Variants in SLC26A3 observed in about 807,000 individuals in gnomAD.
SLC26A3 encodes solute carrier family 26 member 3.
SLC26A3 carries 64 observed loss-of-function variants against 85.6 expected under a neutral mutation model. The observed-to-expected ratio is 0.75, with a 90% CI of 0.61 to 0.92. SLC26A3 has a LOEUF of 0.92. SLC26A3 is among the 40% of genes least tolerant of loss of function. SLC26A3 has a pLI of 0.00. For missense variants in SLC26A3, 922 were observed against 927.3 expected (o/e 0.99, Z 0.07); for synonymous variants, 349 against 336.0 (o/e 1.04, Z -0.42).
chr7:107,786,929 C>G lies in SLC26A3; in HGVS notation c.889-20G>C, dbSNP rs1794306158. On this transcript the variant is annotated intron_variant, in intron 7 of 20. Coordinates refer to ENST00000340010, the MANE Select transcript of SLC26A3 (RefSeq NM_000111.3). ...CACGGTCTGCAAAGTTGCAAATGGC[C>G]CAAGTTAGAAATGTGAGATGCAAGT... 3.1e-6 allele frequency: 5 copies of G among 1,606,550 alleles called. No individual in the cohort carries two copies. Among genetic ancestry groups the G allele is most frequent in the Non-Finnish European group, 4.3e-6 (5 of 1,173,668 alleles).
chr7:107,789,479 G>C, intron 6 of SLC26A3, 45 bp downstream of exon 6: 3 of 1,563,116 alleles, frequency 1.9e-6, no homozygotes, highest in Non-Finnish European at 2.6e-6. Flanking sequence ...ACACAGTAGT[G>C]AGTTTCATGT....
At position 107,765,892 on chromosome 7, in the gene SLC26A3, G is replaced by C; in HGVS notation, c.2272-14C>G. 6.2e-7 allele frequency: 1 copy of C among 1,607,524 alleles called. No homozygotes were observed. Among genetic ancestry groups the C allele is most frequent in the Non-Finnish European group, 8.5e-7 (1 of 1,174,446 alleles). On this transcript the variant is annotated splice_polypyrimidine_tract_variant and intron_variant, in intron 20 of 20. Coordinates refer to ENST00000340010, the MANE Select transcript of SLC26A3 (RefSeq NM_000111.3). The stretch of plus-strand genomic sequence containing the variant: ...TTCAACTGGCACCTGGAAGAAGACA[G>C]AAAGTTCTTGTTTTAAAATACTCGT...
intron 1 of SLC26A3, among the ~76,000 whole-genome samples, chr7:107,795,218 A>C (rs1360215495): frequency 6.6e-6 from 1 of 152,168 alleles, no homozygotes; most frequent in Non-Finnish European, 1.5e-5. Flanking sequence ...AAGTTCCTTA[A>C]CCTCTCTGAG....
chr7:107,767,696 T>C lies in SLC26A3; in HGVS notation c.2206-52A>G, dbSNP rs79659411. On this transcript the variant is annotated intron_variant, in intron 19 of 20. Coordinates refer to ENST00000340010, the MANE Select transcript of SLC26A3 (RefSeq NM_000111.3). The stretch of plus-strand genomic sequence containing the variant: ...ATTAGGGGCTGATTTTTTTTAATGT[T>C]GAAAAAGAGAAATTTAAGGAGTGCA... 1.4e-4 allele frequency: 220 copies of C among 1,608,422 alleles called. 2 individuals carry two copies. The East Asian group carries it at 4.2e-3, about 31-fold the overall frequency.
At chr7:107,775,265 A>T (rs1308986662) in intron 15 of SLC26A3, among the ~76,000 whole-genome samples, 1 of 152,040 alleles carries the variant, frequency 6.6e-6, no homozygotes, top group Non-Finnish European at 1.5e-5. Flanking sequence ...TGTAATTTTT[A>T]TCTTATTAAA....
chr7:107,766,454 T>C (rs1385763258), intron 20 of SLC26A3, among the ~76,000 whole-genome samples: 1 of 152,156 alleles, frequency 6.6e-6, no homozygotes, highest in East Asian at 1.9e-4. Flanking sequence ...GGTGCCAGTT[T>C]TATTGGGTTT....
intron 8 of SLC26A3, among the ~76,000 whole-genome samples, chr7:107,784,607 T>C (rs1794263106): frequency 6.6e-6 from 1 of 152,168 alleles, no homozygotes; most frequent in South Asian, 2.1e-4. Context: ...AATTTTAGTA[T>C]TTTTAGTAGA....
At chr7:107,778,732 G>A (rs1263185965) in intron 12 of SLC26A3, among the ~76,000 whole-genome samples, 1 of 152,116 alleles carries the variant, frequency 6.6e-6, no homozygotes, top group Non-Finnish European at 1.5e-5. Flanking sequence ...GCTCACACCT[G>A]TAATGTCAGC....
chr7:107,770,181 T>TTTTTTTG lies in SLC26A3; in HGVS notation c.2062+1872_2062+1873insCAAAAAA, dbSNP rs1794001136. ...TTTTTTTTTTTTTTTTTTTTTTTTT[T>TTTTTTTG]AAAAAAAAAAAGGGGTTTTTTTTTT... is the stretch of plus-strand genomic sequence containing the variant. On this transcript the variant is annotated intron_variant, in intron 18 of 20. Transcript: ENST00000340010. Among the ~76,000 whole-genome samples, 2 of 55,864 alleles carry TTTTTTTG rather than the reference T, an allele frequency of 3.6e-5. 1 individual carries two copies. The highest frequency in any genetic ancestry group is 5.4e-5 in the Non-Finnish European group (2 of 37,042). The allele number at this position is 55,864 out of a possible 152,430, so 36.6% of individuals were successfully genotyped here. A position where few individuals can be genotyped will look rare whatever the true frequency, so the allele number is the denominator to read the frequency against.
chr7:107,789,432 C>A (rs1269266346), intron 6 of SLC26A3, 92 bp downstream of exon 6: 4 of 1,300,846 alleles, frequency 3.1e-6, no homozygotes, highest in Non-Finnish European at 4.4e-6. Flanking sequence ...TGTAGGTAAA[C>A]CCCATGGCAA....
intron 6 of SLC26A3, among the ~76,000 whole-genome samples, chr7:107,788,784 C>CTTTTTTTTTTTTTTTTTTTTTTTTTTT (rs71861759): frequency 3.7e-5 from 4 of 108,060 alleles, no homozygotes; most frequent in Non-Finnish European, 7.4e-5. Context: ...TTTTTCTTTT[C>CTTTTTTTTTTTTTTTTTTTTTTTTTTT]TTTTTTTTTT....
At position 107,790,437 on chromosome 7, in the gene SLC26A3, C is replaced by G. The variant is rs576783740; in HGVS notation, c.570+611G>C. Among the ~76,000 whole-genome samples, 8 of 152,302 alleles carry G rather than the reference C, an allele frequency of 5.3e-5. No homozygotes were observed. In the East Asian group the frequency reaches 1.2e-3, roughly 22 times the overall value. ...TATGTCCTTGTAGAAACTGACTTTTCCTTTCTTTAAGAAATGGTCTTAACC... is the reference window on the plus strand; with the variant it reads ...TATGTCCTTGTAGAAACTGACTTTTGCTTTCTTTAAGAAATGGTCTTAACC... On this transcript the variant is annotated intron_variant, in intron 5 of 20. Coordinates refer to ENST00000340010, the MANE Select transcript of SLC26A3 (RefSeq NM_000111.3).
At chr7:107,794,096 G>A (rs1036791919) in intron 2 of SLC26A3, among the ~76,000 whole-genome samples, 1 of 152,054 alleles carries the variant, frequency 6.6e-6, no homozygotes, top group Non-Finnish European at 1.5e-5. Flanking sequence ...AGACCTATTT[G>A]TCATCCTCAG....
intron 1 of SLC26A3, among the ~76,000 whole-genome samples, chr7:107,799,374 ATTTTCTTTTC>A: frequency 6.6e-6 from 1 of 151,944 alleles, no homozygotes; most frequent in Non-Finnish European, 1.5e-5. Context: ...CAAGCCATCA[ATTTTCTTTTC>A]TTTTCTTTTC....
At chr7:107,797,797 A>C (rs1031877912) in intron 1 of SLC26A3, among the ~76,000 whole-genome samples, 2 of 137,562 alleles carry the variant, frequency 1.5e-5, no homozygotes, top group Non-Finnish European at 3.0e-5. Flanking sequence ...TAGTGGCGAG[A>C]TCTCGGCTCA....
intron 6 of SLC26A3, among the ~76,000 whole-genome samples, chr7:107,788,479 C>A (rs1220093809): frequency 6.6e-6 from 1 of 152,044 alleles, no homozygotes; most frequent in East Asian, 1.9e-4. Flanking sequence ...AACTTCAATT[C>A]TAAAAGAATG....
chr7:107,770,417 C>T (rs916775786), intron 18 of SLC26A3, among the ~76,000 whole-genome samples: 10 of 149,846 alleles, frequency 6.7e-5, no homozygotes, highest in African/African-American at 2.5e-4. Flanking sequence ...CCACCACACC[C>T]AGCTAACATT....
At chr7:107,777,690 A>G (rs1794142014) in intron 13 of SLC26A3, among the ~76,000 whole-genome samples, 1 of 152,212 alleles carries the variant, frequency 6.6e-6, no homozygotes, top group East Asian at 1.9e-4. Flanking sequence ...TGGAATTTTA[A>G]GGTAAGAGGG....
chr7:107,765,918 C>G, intron 20 of SLC26A3, 40 bp from the exon 21 acceptor site: 1 of 1,578,700 alleles, frequency 6.3e-7, no homozygotes, highest in Non-Finnish European at 8.7e-7. Context: ...AAATACTCGT[C>G]AAGTTCTGTT....
Sources: allele counts gnomAD v4.1 joint callset (sites outside exome capture counted in the v4.1 genomes callset), GRCh38; gene constraint gnomAD v4.1.1; transcripts MANE v1.5; gene names NCBI Gene and HGNC (gene_info 2026-07-23, HGNC 2026-07-21).